PHTF2: variants seen among roughly 807,000 people sequenced by gnomAD.
PHTF2 encodes putative homeodomain transcription factor 2, also known as protein PHTF2.
A neutral mutation model predicts 101.2 loss-of-function variants in PHTF2; 60 were observed. The observed-to-expected ratio is 0.59, with a 90% confidence interval of 0.48 to 0.73. The LOEUF (loss-of-function observed/expected upper bound fraction) is 0.73. Ranked by LOEUF, PHTF2 falls within the 30% of genes least tolerant of loss-of-function variation. The pLI, the probability that PHTF2 is intolerant of heterozygous loss-of-function variation, is 0.00. For synonymous variants in PHTF2, 311 were observed against 307.3 expected (o/e 1.01, Z -0.13); for missense variants, 747 against 908.7 (o/e 0.82, Z 2.29).
chr7:77,814,767 G>T (rs560307692), intron 1 of PHTF2, among the ~76,000 whole-genome samples: 27 of 151,800 alleles, frequency 1.8e-4, no homozygotes, highest in Admixed American at 9.2e-4. Context: ...CGCCCGGTCT[G>T]GGGGGGCATT....
intron 5 of PHTF2, among the ~76,000 whole-genome samples, chr7:77,896,272 A>G (rs1800868612): frequency 6.6e-6 from 1 of 152,198 alleles, no homozygotes; most frequent in South Asian, 2.1e-4. Context: ...CACACTACCC[A>G]TTAATCAATT....
intron 9 of PHTF2, among the ~76,000 whole-genome samples, chr7:77,914,986 ACTGCAAC>A (rs1296998625): frequency 6.6e-5 from 10 of 151,984 alleles, no homozygotes; most frequent in African/African-American, 2.4e-4. Flanking sequence ...ATCTCGGCTC[ACTGCAAC>A]CTCCGCCTCC....
intron 3 of PHTF2, among the ~76,000 whole-genome samples, chr7:77,856,857 G>A (rs1295517702): frequency 6.6e-6 from 1 of 152,046 alleles, no homozygotes; most frequent in Non-Finnish European, 1.5e-5. Context: ...GAGCATTCAT[G>A]GATTTTGATA....
intron 1 of PHTF2, among the ~76,000 whole-genome samples, chr7:77,808,654 T>C (rs936645919): frequency 6.6e-6 from 1 of 152,202 alleles, no homozygotes; most frequent in African/African-American, 2.4e-5. Context: ...GCACTCTCTT[T>C]GTGCAGCTCT....
At chr7:77,876,951 G>T (rs1172541123) in intron 3 of PHTF2, among the ~76,000 whole-genome samples, 1 of 152,114 alleles carries the variant, frequency 6.6e-6, no homozygotes, top group Non-Finnish European at 1.5e-5. Flanking sequence ...GTTAAATTGT[G>T]TGGGTTTGGC....
At chr7:77,847,397 C>A (rs1796387739) in intron 2 of PHTF2, among the ~76,000 whole-genome samples, 2 of 152,198 alleles carry the variant, frequency 1.3e-5, no homozygotes, top group African/African-American at 4.8e-5. Context: ...CTGTGTATAG[C>A]ATCGCGACCT....
intron 1 of PHTF2, among the ~76,000 whole-genome samples, chr7:77,804,940 A>C (rs1393625405): frequency 6.6e-6 from 1 of 152,228 alleles, no homozygotes; most frequent in African/African-American, 2.4e-5. Flanking sequence ...TGATATCAAA[A>C]TTATATCCTC....
At chr7:77,901,607 A>C (rs1219066632) in intron 6 of PHTF2, among the ~76,000 whole-genome samples, 155 bp from the exon 6 acceptor site, 1 of 152,242 alleles carries the variant, frequency 6.6e-6, no homozygotes, top group Non-Finnish European at 1.5e-5. Context: ...TTTTCAAAAT[A>C]TTTAAAGTAT....
chr7:77,880,422 C>A (rs568753983), intron 3 of PHTF2, among the ~76,000 whole-genome samples: 1 of 152,226 alleles, frequency 6.6e-6, no homozygotes, highest in African/African-American at 2.4e-5. Context: ...TATGTAGATA[C>A]CCTGTTCATC....
chr7:77,948,098 C>T (rs1310457229), intron 16 of PHTF2, among the ~76,000 whole-genome samples: 1 of 151,990 alleles, frequency 6.6e-6, no homozygotes, highest in East Asian at 1.9e-4. Flanking sequence ...CCTTGGCCTC[C>T]CAAATTGCTG....
chr7:77,836,665 G>A (rs1220571471), intron 1 of PHTF2, among the ~76,000 whole-genome samples: 1 of 152,132 alleles, frequency 6.6e-6, no homozygotes. Context: ...GATGTCCTTT[G>A]CAGGGACATG....
At chr7:77,921,183 T>C (rs1803426251) in intron 10 of PHTF2, among the ~76,000 whole-genome samples, 1 of 152,238 alleles carries the variant, frequency 6.6e-6, no homozygotes, top group African/African-American at 2.4e-5. Flanking sequence ...TTACCTGTGG[T>C]GTCAACATAC....
Position 77,940,808 on chromosome 7 carries a change from T to G in PHTF2, c.1872+149T>G, listed in dbSNP as rs552206997. On this transcript the variant is annotated intron_variant, in intron 15 of 19. Coordinates refer to ENST00000416283, the Ensembl canonical transcript of PHTF2. ...ATTAGGGATTTTGTTTCTACTAGCC[T>G]GGTTGTCACAAGCCAGCAGAGGGAG... 154 of 522,768 alleles carry G rather than the reference T, an allele frequency of 2.9e-4. 1 individual carries two copies. The highest frequency in any genetic ancestry group is 4.5e-4 in the Non-Finnish European group (138 of 303,918). 32.4% of individuals were successfully genotyped at this position (522,768 alleles called of 1,614,324 possible).
chr7:77,931,824 ACAG>A (rs1804597853), intron 12 of PHTF2, among the ~76,000 whole-genome samples: 1 of 152,258 alleles, frequency 6.6e-6, no homozygotes, highest in South Asian at 2.1e-4. Context: ...AAAACAGTAT[ACAG>A]CAGTGAAATT....
intron 7 of PHTF2, among the ~76,000 whole-genome samples, chr7:77,902,285 C>G (rs1440139021): frequency 6.6e-6 from 1 of 151,906 alleles, no homozygotes; most frequent in Non-Finnish European, 1.5e-5. Flanking sequence ...TTTTTCTGTG[C>G]CTTTTACCAC....
intron 3 of PHTF2, among the ~76,000 whole-genome samples, chr7:77,858,486 T>G (rs1267700726): frequency 6.6e-6 from 1 of 152,126 alleles, no homozygotes. Context: ...AAAACTAAGG[T>G]CTGCTGACTT....
At chr7:77,804,183 T>A (rs563351139) in intron 1 of PHTF2, among the ~76,000 whole-genome samples, 69 of 152,374 alleles carry the variant, frequency 4.5e-4, no homozygotes, top group Non-Finnish European at 7.6e-4. Context: ...ATTTCTTGTG[T>A]GTTCATTCCA....
At chr7:77,815,845 C>T (rs1411576592) in intron 1 of PHTF2, among the ~76,000 whole-genome samples, 1 of 152,190 alleles carries the variant, frequency 6.6e-6, no homozygotes, top group African/African-American at 2.4e-5. Flanking sequence ...ATTCTCCTTT[C>T]TCTACTATTG....
intron 1 of PHTF2, among the ~76,000 whole-genome samples, chr7:77,832,195 A>T (rs1198582801): frequency 6.6e-6 from 1 of 152,212 alleles, no homozygotes; most frequent in African/African-American, 2.4e-5. Flanking sequence ...GTCAGTAGAT[A>T]AAGTGGCTGC....
Sources: allele counts gnomAD v4.1 joint callset (sites outside exome capture counted in the v4.1 genomes callset), GRCh38; gene constraint gnomAD v4.1.1; transcripts MANE v1.5; gene names NCBI Gene and HGNC (gene_info 2026-07-23, HGNC 2026-07-21).